Variants in LDLRAD4 observed in about 807,000 individuals in gnomAD.
LDLRAD4 encodes the protein low density lipoprotein receptor class A domain containing 4.
Under a neutral mutation model 17.0 loss-of-function variants are expected in LDLRAD4, and 5 were observed. The observed-to-expected ratio is 0.29, with a 90% CI of 0.15 to 0.62. The LOEUF (loss-of-function observed/expected upper bound fraction) is 0.62. LDLRAD4 is among the 20% of genes least tolerant of loss of function. The pLI is 0.84. For missense variants in LDLRAD4, 340 were observed against 424.7 expected, an observed-to-expected ratio of 0.80 and a Z score of 1.75; for synonymous variants, 168 against 171.8, an observed-to-expected ratio of 0.98 and a Z score of 0.17.
chr18:13,280,256 A>G (rs189716842), intron 1 of LDLRAD4: 1 of 152,346 alleles, frequency 6.6e-6, no homozygotes, highest in East Asian at 1.9e-4. Context: ...CCTTGGGTTG[A>G]GTTCTGGCGT....
intron 1 of LDLRAD4, among the ~76,000 whole-genome samples, chr18:13,375,187 G>A (rs554947654): frequency 9.2e-5 from 14 of 152,256 alleles, no homozygotes; most frequent in Non-Finnish European, 1.5e-4. Flanking sequence ...CCAGGGGTCC[G>A]TGCAGCTCTG....
intron 3 of LDLRAD4, among the ~76,000 whole-genome samples, chr18:13,482,016 A>G (rs963610021): frequency 6.6e-6 from 1 of 151,738 alleles, no homozygotes; most frequent in African/African-American, 2.4e-5. Context: ...CTGCAGGGGC[A>G]GTGAGGAGCT....
chr18:13,479,877 A>G (rs897171222), intron 3 of LDLRAD4, among the ~76,000 whole-genome samples: 2 of 152,180 alleles, frequency 1.3e-5, no homozygotes, highest in Non-Finnish European at 2.9e-5. Flanking sequence ...AAATAATGAG[A>G]TCCCACTGTA....
In LDLRAD4 at chr18:13,440,318, G is replaced by A. The variant is rs2090943301; in HGVS notation, c.181+1934G>A. 6.6e-6 allele frequency among the ~76,000 whole-genome samples: 1 copy of A among 152,006 alleles called. No homozygotes were observed. The highest frequency in any genetic ancestry group is 2.1e-4 in the South Asian group (1 of 4,810). ...CTTGTCAGTATTCTTTCCGGTTTTT[G>A]AGGCCTATCTCCAGATCGCTTTTCC... On this transcript the variant is annotated intron_variant, in intron 3 of 5. Coordinates refer to ENST00000359446, the Ensembl canonical transcript of LDLRAD4. This position sits in a 1 kb window ranked among gnomAD's most constrained non-coding sequence, Gnocchi z 4.4.
chr18:13,539,420 G>A (rs1192070443), intron 3 of LDLRAD4, among the ~76,000 whole-genome samples: 1 of 152,212 alleles, frequency 6.6e-6, no homozygotes, highest in Non-Finnish European at 1.5e-5. Context: ...ACCAGAGCAC[G>A]AAAAAGCTAG....
chr18:13,587,425 C>T (rs150757345), intron 3 of LDLRAD4, among the ~76,000 whole-genome samples: 1 of 152,340 alleles, frequency 6.6e-6, no homozygotes, highest in African/African-American at 2.4e-5. Context: ...TTACCGAGAA[C>T]AGTCGACCTG....
intron 1 of LDLRAD4, among the ~76,000 whole-genome samples, chr18:13,345,494 T>C (rs1213495392): frequency 3.3e-5 from 5 of 152,242 alleles, no homozygotes; most frequent in African/African-American, 1.2e-4. Flanking sequence ...CAGTTTTTTA[T>C]TGAGGATTTT....
intron 3 of LDLRAD4, among the ~76,000 whole-genome samples, chr18:13,492,168 C>G (rs141002911): frequency 1.3e-5 from 2 of 152,268 alleles, no homozygotes; most frequent in Admixed American, 6.5e-5. Context: ...AGGCCACGCT[C>G]TTGTCCCCAG....
At chr18:13,530,280 G>A (rs1337517408) in intron 3 of LDLRAD4, among the ~76,000 whole-genome samples, 2 of 152,238 alleles carry the variant, frequency 1.3e-5, no homozygotes, top group Non-Finnish European at 2.9e-5. Context: ...AGGAACACAT[G>A]TTCGTCTTCC....
chr18:13,641,601 G>A lies in LDLRAD4; in HGVS notation c.337-1758G>A, dbSNP rs575658780. Among the ~76,000 whole-genome samples the A allele has an allele frequency of 2.1e-3, 327 of 152,232 alleles. 1 individual carries two copies. Among genetic ancestry groups the A allele is most frequent in the Middle Eastern group, 0.01 (3 of 294 alleles). On this transcript the variant is annotated intron_variant, in intron 4 of 5. Coordinates refer to ENST00000359446, the Ensembl canonical transcript of LDLRAD4. ...GGAGGGAGGCCGGGGCCTGTGGCGG[G>A]CGAGGGAAATGCGGGGCCCGAGGAC... is the stretch of plus-strand genomic sequence containing the variant.
chr18:13,554,186 C>G (rs1012323514), intron 3 of LDLRAD4, among the ~76,000 whole-genome samples: 2 of 152,168 alleles, frequency 1.3e-5, no homozygotes, highest in Admixed American at 6.5e-5. Flanking sequence ...ATAAGAAGTA[C>G]AAGCATTAAA....
intron 1 of LDLRAD4, among the ~76,000 whole-genome samples, chr18:13,322,255 T>C (rs2081288593): frequency 6.6e-6 from 1 of 151,746 alleles, no homozygotes; most frequent in Non-Finnish European, 1.5e-5. Flanking sequence ...CACTTCTTTA[T>C]TTCTATTATT....
intron 3 of LDLRAD4, among the ~76,000 whole-genome samples, chr18:13,585,913 C>T (rs1436118677): frequency 6.6e-6 from 1 of 152,146 alleles, no homozygotes; most frequent in African/African-American, 2.4e-5. Context: ...AACTTACTTC[C>T]TCTTAAATGA....
chr18:13,329,321 T>C lies in LDLRAD4; in HGVS notation c.-383+51133T>C, dbSNP rs145352885. On this transcript the variant is annotated intron_variant, in intron 1 of 5. Transcript: ENST00000359446. ...TCTGCATCTTTGCCAACAGAGCATG[T>C]TATCAGTTTTTTAAAGGTTTCTGTC... 2.8e-4 allele frequency among the ~76,000 whole-genome samples: 43 copies of C among 152,330 alleles called. No homozygotes were observed. The South Asian group carries it at 3.1e-3, about 11-fold the overall frequency.
rs376783172 is a variant in LDLRAD4 at position 13,328,588 on chromosome 18, C to T, written c.-383+50400C>T. Among the ~76,000 whole-genome samples, 7 of 152,300 alleles carry T rather than the reference C, an allele frequency of 4.6e-5. No individual in the cohort carries two copies. In the South Asian group the frequency reaches 1.5e-3, roughly 32 times the overall value. On this transcript the variant is annotated intron_variant, in intron 1 of 5. Coordinates refer to ENST00000359446, the Ensembl canonical transcript of LDLRAD4. ...CATTCTTCAGCTGATATGTCCTTAT[C>T]CCATGTAGAAGGAAGGATCTTAGTG... is the stretch of plus-strand genomic sequence containing the variant.
chr18:13,346,408 G>A (rs2082690243), intron 1 of LDLRAD4, among the ~76,000 whole-genome samples: 2 of 152,176 alleles, frequency 1.3e-5, no homozygotes, highest in South Asian at 4.2e-4. Context: ...TCTTAATCCT[G>A]AGTTCTAGTT....
intron 2 of LDLRAD4, among the ~76,000 whole-genome samples, chr18:13,422,743 C>A (rs1358272866): frequency 6.6e-6 from 1 of 152,200 alleles, no homozygotes; most frequent in Non-Finnish European, 1.5e-5. Flanking sequence ...TAAAACTATA[C>A]TTTCTGCTTT....
At chr18:13,523,294 G>T (rs953855118) in intron 3 of LDLRAD4, among the ~76,000 whole-genome samples, 4 of 152,178 alleles carry the variant, frequency 2.6e-5, no homozygotes, top group Non-Finnish European at 1.5e-5. Flanking sequence ...GGGTGGGCCT[G>T]GTCTAATCAG....
At chr18:13,478,189 A>T (rs2092995332) in intron 3 of LDLRAD4, among the ~76,000 whole-genome samples, 1 of 152,140 alleles carries the variant, frequency 6.6e-6, no homozygotes, top group Non-Finnish European at 1.5e-5. Flanking sequence ...GAGAGCCTGC[A>T]GCATTGGCAT....
Sources: allele counts gnomAD v4.1 joint callset (sites outside exome capture counted in the v4.1 genomes callset), GRCh38; gene constraint gnomAD v4.1.1; non-coding constraint Gnocchi (gnomAD v3.1); transcripts MANE v1.5; gene names NCBI Gene and HGNC (gene_info 2026-07-23, HGNC 2026-07-21).